RP1L1: variants seen among roughly 807,000 people sequenced by gnomAD.
RP1L1 encodes the protein RP1 like 1.
A neutral mutation model predicts 15.7 loss-of-function variants in RP1L1; 27 were observed. The observed-to-expected ratio is 1.72, with a 90% CI of 1.27 to 2.38. The LOEUF is 2.38. RP1L1 is among the 30% of genes most tolerant of loss of function. The pLI, the probability that RP1L1 is intolerant of heterozygous loss-of-function variation, is 0.00. For synonymous variants in RP1L1, 1,813 were observed against 1,276.7 expected, an observed-to-expected ratio of 1.42 and a Z score of -8.96; for missense variants, 4,798 against 3,075.9, an observed-to-expected ratio of 1.56 and a Z score of -13.24.
At chr8:10,625,785 T>C (rs1049429831) in intron 1 of RP1L1, among the ~76,000 whole-genome samples, 10 of 152,036 alleles carry the variant, frequency 6.6e-5, no homozygotes, top group Non-Finnish European at 1.3e-4. Context: ...GTGGGTGGTC[T>C]CAGTGAGCAC....
rs755341792 is a variant in RP1L1 at position 10,612,694 on chromosome 8, C to A, written c.1404G>T (p.Glu468Asp). The stretch of plus-strand genomic sequence containing the variant: ...CCGGGGTCCTGGGGCAGCAGGAGGA[C>A]TCTGGCTCCGAGCCCTCGGGGAGGC... ...STGLPEGSEPESSCCPRTPED... is the reference protein window; with the variant it reads ...STGLPEGSEPDSSCCPRTPED... Residue 468 changes from glutamate (E) to aspartate (D), a missense_variant, in exon 4 of 4, where the codon GAG becomes GAT. Coordinates refer to ENST00000382483, the MANE Select transcript of RP1L1 (RefSeq NM_178857.6). 7 of 1,603,614 alleles carry A rather than the reference C, an allele frequency of 4.4e-6. No homozygotes were observed. In the East Asian group the frequency reaches 6.7e-5, roughly 15 times the overall value.
At chr8:10,639,503 G>T (rs1798378361) in intron 1 of RP1L1, among the ~76,000 whole-genome samples, 1 of 152,132 alleles carries the variant, frequency 6.6e-6, no homozygotes, top group African/African-American at 2.4e-5. Flanking sequence ...CTCCTAAGTA[G>T]CTGGGACTAC....
At position 10,652,166 on chromosome 8, in the gene RP1L1, A is replaced by G. The variant is rs1467450350; in HGVS notation, c.-20+2732T>C. Among the ~76,000 whole-genome samples the G allele has an allele frequency of 2.6e-5, 4 of 152,196 alleles. No homozygotes were observed. The East Asian group carries it at 7.7e-4, about 29-fold the overall frequency. On this transcript the variant is annotated intron_variant, in intron 1 of 3. Coordinates refer to ENST00000382483, the MANE Select transcript of RP1L1 (RefSeq NM_178857.6). ...TGATGACACAGCTGTCTAACAACAC[A>G]CTTCTCAAAATGCATTCCCATCATG...
At position 10,622,895 on chromosome 8, in the gene RP1L1, G is replaced by A. The variant is rs1450279487; in HGVS notation, c.307C>T (p.Leu103Phe). Residue 103 changes from leucine (L) to phenylalanine (F), a missense_variant, in exon 2 of 4, where the codon CTC becomes TTC. Coordinates refer to ENST00000382483, the MANE Select transcript of RP1L1 (RefSeq NM_178857.6). ...TTGGGGGGCTTCTTATCAGAGCAGA[G>A]GTAGCAGCCTCCATCTTCCAGCTGC... ...LEQLEDGGCY[L>F]CSDKKPPKTP... 3 of 1,613,710 alleles carry A rather than the reference G, an allele frequency of 1.9e-6. No homozygotes were observed. The highest frequency in any genetic ancestry group is 2.7e-5 in the African/African-American group (2 of 74,920).
rs994485156 is a variant in RP1L1, at chr8:10,609,670, A to G, written c.4428T>C (p.Gly1476=). The G allele has an allele frequency of 2.5e-6, 4 of 1,611,788 alleles. No homozygotes were observed. Among genetic ancestry groups the G allele is most frequent in the Middle Eastern group, 1.7e-4 (1 of 6,060 alleles). Residue 1476 remains glycine (G), a synonymous_variant, in exon 4 of 4, where the codon GGT becomes GGC. Coordinates refer to ENST00000382483, the MANE Select transcript of RP1L1 (RefSeq NM_178857.6). ...TGGTGGCTCCGGGCGGCTTTTCCAA[A>G]CCAGGCTCAAGCTGGGAGCCACTCT... ...ERQSGSQLEP[G]LEKPPGATMM...
Position 10,606,794 on chromosome 8 carries a change from A to G in RP1L1, c.*101T>C, listed in dbSNP as rs565405970. The G allele has an allele frequency of 4.4e-6, 7 of 1,582,210 alleles. No homozygotes were observed. Among genetic ancestry groups the G allele is most frequent in the African/African-American group, 4.0e-5 (3 of 74,714 alleles). On this transcript the variant is annotated 3_prime_UTR_variant, in exon 4 of 4. Transcript: ENST00000382483. ...AGTCCTTGGTCTTTGTCCATGTACT[A>G]TGGACATCTCCAGTGGACTGAACGT... is the stretch of plus-strand genomic sequence containing the variant.
intron 1 of RP1L1, among the ~76,000 whole-genome samples, chr8:10,636,028 C>G (rs1259440772): frequency 6.6e-6 from 1 of 152,228 alleles, no homozygotes; most frequent in Admixed American, 6.5e-5. Context: ...TTCCATCATT[C>G]AACAGCTCTG....
At position 10,611,968 on chromosome 8, in the gene RP1L1, G is replaced by T. The variant is rs956104177; in HGVS notation, c.2130C>A (p.Ser710Arg). ...SVPRYSGSSS[S>R]TRTQASGNLR... ...GGTTCCCAGAGGCCTGTGTCCTGGT[G>T]CTCGATGAGCTTCCAGAATATCGTG... The change falls in exon 4 of 4, where the codon AGC becomes AGA. Residue 710 changes from serine to arginine, a missense_variant. Physicochemically the swap from Ser to Arg is moderately radical, Grantham distance 110 (BLOSUM62 -1). Coordinates refer to ENST00000382483, the MANE Select transcript of RP1L1 (RefSeq NM_178857.6). The T allele has an allele frequency of 6.2e-7, 1 of 1,613,858 alleles. No homozygotes were observed. Among genetic ancestry groups the T allele is most frequent in the East Asian group, 2.2e-5 (1 of 44,876 alleles).
chr8:10,606,949 G>C lies in RP1L1; in HGVS notation c.7149C>G (p.Pro2383=), dbSNP rs777397791. The C allele has an allele frequency of 6.2e-7, 1 of 1,614,240 alleles. No homozygotes were observed. The highest frequency in any genetic ancestry group is 1.6e-4 in the Middle Eastern group (1 of 6,062). Residue 2383 remains proline (P), a synonymous_variant, in exon 4 of 4, where the codon CCC becomes CCG. Transcript: ENST00000382483. ...QEDQALGSLA[P]TEAVGRADGF... ...CGTCTGCCCTGCCCACTGCCTCAGT[G>C]GGGGCGAGACTTCCGAGTGCCTGGT...
rs779408643 is a variant in RP1L1 at position 10,623,533 on chromosome 8, C to CCATG, written c.-19-314_-19-313insCATG. Among the ~76,000 whole-genome samples the CCATG allele has an allele frequency of 1.8e-3, 270 of 151,342 alleles. 2 individuals are homozygous for CCATG. In the East Asian group the frequency reaches 0.036, roughly 20 times the overall value. ...CAGAACCACCATGAAACCAGGACCA[C>CCATG]AATGTCCCCAGCACAACCATGTCCC... is the stretch of plus-strand genomic sequence containing the variant. On this transcript the variant is annotated intron_variant, in intron 1 of 3. Coordinates refer to ENST00000382483, the MANE Select transcript of RP1L1 (RefSeq NM_178857.6).
chr8:10,653,589 CCCACAT>C (rs1441138136), intron 1 of RP1L1, among the ~76,000 whole-genome samples: 1 of 151,946 alleles, frequency 6.6e-6, no homozygotes, highest in East Asian at 1.9e-4. Context: ...CACACCCACA[CCCACAT>C]CACATGTGCG....
Position 10,607,869 on chromosome 8 carries a change from C to T in RP1L1, c.6229G>A (p.Glu2077Lys), listed in dbSNP as rs777850114. ...ACATCTTCTGACTCTGGGTGGGCCT[C>T]CCCTTCTGCCTCCTGGACCTCCCCT... ...AEGEVQEAEG[E>K]AHPESEDVDA... The change falls in exon 4 of 4, where the codon GAG (glutamate) becomes AAG (lysine). Residue 2077 changes from glutamate to lysine, a missense_variant. Transcript: ENST00000382483. 5 of 1,598,044 alleles carry T rather than the reference C, an allele frequency of 3.1e-6. No homozygotes were observed. In the East Asian group the frequency reaches 9.2e-5, roughly 29 times the overall value.
chr8:10,610,604 T>G lies in RP1L1; in HGVS notation c.3494A>C (p.Glu1165Ala). 1 of 1,613,506 alleles carries G rather than the reference T, an allele frequency of 6.2e-7. No homozygotes were observed. Among genetic ancestry groups the G allele is most frequent in the Admixed American group, 1.7e-5 (1 of 60,020 alleles). ...CCAGAGGCCTGAGTCCAGCTGGTCT[T>G]CCCCAACGTCACATCCTGGCCACAG... ...KDLWPGCDVG[E>A]DQLDSGLWEL... Residue 1165 changes from glutamate (E) to alanine (A), a missense_variant, in exon 4 of 4, where the codon GAA (glutamate) becomes GCA (alanine). Physicochemically the swap from Glu to Ala is moderately radical, Grantham distance 107. Coordinates refer to ENST00000382483, the MANE Select transcript of RP1L1 (RefSeq NM_178857.6).
rs780399717 is a variant in RP1L1, at chr8:10,616,622, G to C, written c.610-35C>G. On this transcript the variant is annotated intron_variant, in intron 2 of 3. Transcript: ENST00000382483. ...GAGCGGGCGGGGTCAGGAGGCCTGG[G>C]CTGCAGAAACCCCTCTACCCTGAGG... 1.7e-5 allele frequency: 27 copies of C among 1,595,286 alleles called. No homozygotes were observed. In the Admixed American group the frequency reaches 4.2e-4, roughly 25 times the overall value.
chr8:10,612,140 C>A lies in RP1L1; in HGVS notation c.1958G>T (p.Ser653Ile). The change falls in exon 4 of 4, where the codon AGC (serine) becomes ATC (isoleucine). Residue 653 changes from serine to isoleucine, a missense_variant. Ser to Ile is a moderately radical substitution (Grantham distance 142, BLOSUM62 -2). Transcript: ENST00000382483. The stretch of plus-strand genomic sequence containing the variant: ...CGGGGCCACTCGGCCAAGGCCAGGG[C>A]TGCTGGGTGAGGACATTGCACTGGC... Reference protein sequence around the residue: ...SRASAMSSPSSPGLGRVAPRG... With the variant: ...SRASAMSSPSIPGLGRVAPRG... 6.2e-7 allele frequency: 1 copy of A among 1,613,620 alleles called. No homozygotes were observed. The highest frequency in any genetic ancestry group is 8.5e-7 in the Non-Finnish European group (1 of 1,180,038).
In RP1L1 at chr8:10,606,745, A is replaced by G. The variant is rs1042338627; in HGVS notation, c.*150T>C. 4.6e-6 allele frequency: 6 copies of G among 1,305,140 alleles called. No individual in the cohort carries two copies. The highest frequency in any genetic ancestry group is 2.9e-5 in the African/African-American group (2 of 68,282). 80.8% of individuals were successfully genotyped at this position (1,305,140 alleles called of 1,614,324 possible). ...CTGGACTTAAGAGTCCCAGGACAGC[A>G]TGGCATGGGCTGTGTCCTTGGCAAG... On this transcript the variant is annotated 3_prime_UTR_variant, in exon 4 of 4. Transcript: ENST00000382483.
At chr8:10,620,258 T>C (rs1021282423) in intron 2 of RP1L1, among the ~76,000 whole-genome samples, 15 of 152,152 alleles carry the variant, frequency 9.9e-5, no homozygotes, top group Admixed American at 9.8e-4. Context: ...CTGCATGGGT[T>C]ATGGCATGGG....
chr8:10,623,025 C>A lies in RP1L1; in HGVS notation c.177G>T (p.Lys59Asn), dbSNP rs748176486. The part of the protein sequence containing the change: ...VRLAVHQRAF[K>N]TFSALMDELS... ...GCTCGTCCATGAGGGCGCTGAAGGT[C>A]TTAAAGGCGCGCTGGTGAACGGCCA... Residue 59 changes from lysine (K) to asparagine (N), a missense_variant, in exon 2 of 4, where the codon AAG (lysine) becomes AAT (asparagine). Coordinates refer to ENST00000382483, the MANE Select transcript of RP1L1 (RefSeq NM_178857.6). 7.4e-6 allele frequency: 12 copies of A among 1,614,166 alleles called. No individual in the cohort carries two copies. The highest frequency in any genetic ancestry group is 9.3e-6 in the Non-Finnish European group (11 of 1,180,028).
At position 10,639,048 on chromosome 8, in the gene RP1L1, G is replaced by A. The variant is rs987980076; in HGVS notation, c.-19-15828C>T. Among the ~76,000 whole-genome samples, 6 of 152,182 alleles carry A rather than the reference G, an allele frequency of 3.9e-5. 1 individual carries two copies. The South Asian group carries it at 1.2e-3, about 32-fold the overall frequency. On this transcript the variant is annotated intron_variant, in intron 1 of 3. Coordinates refer to ENST00000382483, the MANE Select transcript of RP1L1 (RefSeq NM_178857.6). The stretch of plus-strand genomic sequence containing the variant: ...TAATCTCAGCTACTTGGGAGGCTGA[G>A]GCAGGGGAATCACTTGAACCTGGGA...
Sources: allele counts gnomAD v4.1 joint callset (sites outside exome capture counted in the v4.1 genomes callset), GRCh38; gene constraint gnomAD v4.1.1; transcripts MANE v1.5; gene names NCBI Gene and HGNC (gene_info 2026-07-23, HGNC 2026-07-21).